Variants in EPHA3 observed in about 807,000 individuals in gnomAD.
EPHA3 encodes the protein ephrin type-A receptor 3.
EPHA3 carries 42 observed loss-of-function variants against 107.1 expected under a neutral mutation model. The ratio of observed to expected loss-of-function variants is 0.39; its 90% CI spans 0.31 to 0.51. The LOEUF is 0.51. Among genes scored for constraint, EPHA3 ranks in the 20% least tolerant of loss-of-function variants. The pLI is 0.78. For missense variants in EPHA3, 1,183 were observed against 1,211.2 expected (o/e 0.98, Z 0.35); for synonymous variants, 461 against 424.8 (o/e 1.09, Z -1.05).
chr3:89,339,658 TCAGAAA>T (rs1428385538), intron 3 of EPHA3, among the ~76,000 whole-genome samples: 2 of 152,186 alleles, frequency 1.3e-5, no homozygotes, highest in Admixed American at 1.3e-4. Flanking sequence ...GTATTTCTTT[TCAGAAA>T]CATATTTAGT....
chr3:89,412,839 T>C (rs1709180426), intron 9 of EPHA3, among the ~76,000 whole-genome samples: 2 of 151,766 alleles, frequency 1.3e-5, no homozygotes, highest in African/African-American at 4.8e-5. Flanking sequence ...GTCTAATCAG[T>C]TCTGAATTAT....
intron 2 of EPHA3, among the ~76,000 whole-genome samples, chr3:89,190,606 C>T (rs1705692093): frequency 6.6e-6 from 1 of 152,064 alleles, no homozygotes; most frequent in African/African-American, 2.4e-5. Flanking sequence ...CCTCTGATAA[C>T]CTTGAAATAC....
intron 7 of EPHA3, among the ~76,000 whole-genome samples, chr3:89,403,857 G>A (rs1443679157): frequency 6.6e-6 from 1 of 152,122 alleles, no homozygotes; most frequent in Non-Finnish European, 1.5e-5. Flanking sequence ...TATTAAATAT[G>A]TTATTACTTG....
chr3:89,358,778 A>C (rs1439381446), intron 5 of EPHA3, among the ~76,000 whole-genome samples: 1 of 151,258 alleles, frequency 6.6e-6, no homozygotes, highest in African/African-American at 2.4e-5. Flanking sequence ...GATGCTAAAA[A>C]ACTCGCATGC....
chr3:89,450,509 C>T, intron 15 of EPHA3, 139 bp downstream of exon 15: 5 of 737,738 alleles, frequency 6.8e-6, no homozygotes, highest in Non-Finnish European at 1.0e-5. Context: ...TGTATTTCCC[C>T]TTTCTTTTTT....
intron 2 of EPHA3, among the ~76,000 whole-genome samples, chr3:89,182,361 T>C (rs1705459514): frequency 6.6e-6 from 1 of 151,868 alleles, no homozygotes; most frequent in African/African-American, 2.4e-5. Flanking sequence ...CTATTCATTG[T>C]GGAGAGTAGC....
chr3:89,386,044 A>G (rs569887517), intron 5 of EPHA3, among the ~76,000 whole-genome samples: 9 of 152,174 alleles, frequency 5.9e-5, no homozygotes, highest in Non-Finnish European at 1.3e-4. Context: ...TGTGAGAGAT[A>G]ATTTAAGGTA....
At chr3:89,298,207 A>G (rs1391387272) in intron 3 of EPHA3, among the ~76,000 whole-genome samples, 2 of 152,140 alleles carry the variant, frequency 1.3e-5, no homozygotes, top group Non-Finnish European at 2.9e-5. Flanking sequence ...AGATTTGGTC[A>G]CACATGGGTT....
chr3:89,325,602 C>T (rs1212215236), intron 3 of EPHA3, among the ~76,000 whole-genome samples: 3 of 152,048 alleles, frequency 2.0e-5, no homozygotes, highest in Non-Finnish European at 2.9e-5. Flanking sequence ...TTTTCTTTAC[C>T]TTTCATTTAC....
chr3:89,154,715 G>C (rs1704761269), intron 2 of EPHA3, among the ~76,000 whole-genome samples: 1 of 151,044 alleles, frequency 6.6e-6, no homozygotes, highest in Non-Finnish European at 1.5e-5. Flanking sequence ...GTAACACAAA[G>C]TTTTCAGATT....
intron 2 of EPHA3, among the ~76,000 whole-genome samples, chr3:89,183,748 A>G (rs916598562): frequency 6.6e-6 from 1 of 151,954 alleles, no homozygotes; most frequent in African/African-American, 2.4e-5. Flanking sequence ...TATAACTCTT[A>G]TACTTTGTTT....
At chr3:89,331,883 C>T (rs1707297040) in intron 3 of EPHA3, among the ~76,000 whole-genome samples, 1 of 152,188 alleles carries the variant, frequency 6.6e-6, no homozygotes, top group African/African-American at 2.4e-5. Context: ...CCTATACATT[C>T]CAATGCTGTT....
In EPHA3 at chr3:89,413,166, T is replaced by C. The variant is rs1709186930; in HGVS notation, c.1788T>C (p.Tyr596=). The C allele has an allele frequency of 5.6e-6, 9 of 1,611,540 alleles. No individual in the cohort carries two copies. The highest frequency in any genetic ancestry group is 4.0e-5 in the African/African-American group (3 of 74,696). Residue 596 remains tyrosine, a synonymous_variant, in exon 10 of 17, where the codon TAT becomes TAC. Coordinates refer to ENST00000336596, the MANE Select transcript of EPHA3 (RefSeq NM_005233.6). The part of the protein sequence containing the change: ...GHLKLPGLRT[Y]VDPHTYEDPT... Reference sequence around the variant, plus strand: ...TAAAACTTCCAGGTCTCAGGACTTATGTTGACCCACATACATATGAAGACC... The same window carrying C: ...TAAAACTTCCAGGTCTCAGGACTTACGTTGACCCACATACATATGAAGACC...
chr3:89,269,853 A>T (rs768428412), intron 3 of EPHA3, among the ~76,000 whole-genome samples: 6 of 148,086 alleles, frequency 4.1e-5, no homozygotes, highest in Non-Finnish European at 5.9e-5. Flanking sequence ...AATTTTTTTA[A>T]CAAATGATTT....
chr3:89,113,654 AAAGG>A (rs1173654717), intron 1 of EPHA3, among the ~76,000 whole-genome samples: 17 of 152,184 alleles, frequency 1.1e-4, no homozygotes, highest in African/African-American at 4.1e-4. Context: ...TGCTTAAAAG[AAAGG>A]CATTTATCAC....
chr3:89,428,056 C>A (rs944211207), intron 11 of EPHA3, among the ~76,000 whole-genome samples: 1 of 151,988 alleles, frequency 6.6e-6, no homozygotes, highest in Non-Finnish European at 1.5e-5. Context: ...AATTTAAAAT[C>A]ATCCATAGCT....
At chr3:89,206,072 A>T (rs1285192158) in intron 2 of EPHA3, among the ~76,000 whole-genome samples, 1 of 152,116 alleles carries the variant, frequency 6.6e-6, no homozygotes, top group African/African-American at 2.4e-5. Flanking sequence ...CTAGAGTTAG[A>T]GACTTGTTGT....
intron 2 of EPHA3, among the ~76,000 whole-genome samples, chr3:89,178,849 G>C (rs2107114659): frequency 6.6e-6 from 1 of 151,876 alleles, no homozygotes; most frequent in African/African-American, 2.4e-5. Context: ...ACTAGCATCT[G>C]AATCTTGAGA....
chr3:89,228,398 C>G (rs1192927913), intron 3 of EPHA3, among the ~76,000 whole-genome samples: 5 of 151,862 alleles, frequency 3.3e-5, no homozygotes, highest in African/African-American at 1.2e-4. Flanking sequence ...ACATACAGGG[C>G]TGATAAATAT....
Sources: allele counts gnomAD v4.1 joint callset (sites outside exome capture counted in the v4.1 genomes callset), GRCh38; gene constraint gnomAD v4.1.1; transcripts MANE v1.5; gene names NCBI Gene and HGNC (gene_info 2026-07-23, HGNC 2026-07-21).